CFAP53: variants seen among roughly 807,000 people sequenced by gnomAD.
The protein encoded by CFAP53 is cilia- and flagella-associated protein 53.
In CFAP53, 62 loss-of-function variants were observed where a neutral mutation model predicts 59.7. The ratio of observed to expected loss-of-function variants is 1.04; its 90% CI spans 0.85 to 1.28. The LOEUF (loss-of-function observed/expected upper bound fraction) is 1.28. CFAP53 is among the 50% of genes most tolerant of loss of function. The pLI is 0.00. For missense variants in CFAP53, 629 were observed against 615.6 expected, an observed-to-expected ratio of 1.02 and a Z score of -0.23; for synonymous variants, 218 against 205.7, an observed-to-expected ratio of 1.06 and a Z score of -0.51.
intron 6 of CFAP53, among the ~76,000 whole-genome samples, chr18:50,241,616 G>C (rs1392134034): frequency 1.3e-5 from 2 of 152,076 alleles, no homozygotes; most frequent in African/African-American, 4.8e-5. Flanking sequence ...CTGGGCCTCT[G>C]GGATGTCATC....
At chr18:50,262,817 G>A (rs2033907934) in intron 1 of CFAP53, among the ~76,000 whole-genome samples, 1 of 152,130 alleles carries the variant, frequency 6.6e-6, no homozygotes, top group Admixed American at 6.5e-5. Flanking sequence ...GACTAAGAAG[G>A]AAGAAATGAA....
intron 3 of CFAP53, among the ~76,000 whole-genome samples, chr18:50,258,169 A>G (rs987626175): frequency 1.3e-5 from 2 of 152,228 alleles, no homozygotes; most frequent in African/African-American, 4.8e-5. Context: ...AAAAATAACA[A>G]ATCTGGAGGA....
intron 6 of CFAP53, among the ~76,000 whole-genome samples, chr18:50,239,044 T>C (rs961874991): frequency 4.0e-5 from 6 of 148,466 alleles, no homozygotes; most frequent in Non-Finnish European, 8.9e-5. Flanking sequence ...TTATTATAAA[T>C]AATTTATTAT....
chr18:50,266,206 C>G, intron 1 of CFAP53, 130 bp downstream of exon 1: 2 of 784,870 alleles, frequency 2.5e-6, no homozygotes, highest in Non-Finnish European at 4.4e-6. Context: ...CAAAATTCAA[C>G]CCACTGCATC....
intron 5 of CFAP53, among the ~76,000 whole-genome samples, chr18:50,245,378 G>A (rs1354448026): frequency 2.9e-5 from 3 of 104,924 alleles, no homozygotes; most frequent in East Asian, 5.5e-4. Flanking sequence ...GACAGAGCGA[G>A]ACTCCGTCTC....
At chr18:50,236,758 G>A (rs2033637196) in intron 7 of CFAP53, among the ~76,000 whole-genome samples, 1 of 152,170 alleles carries the variant, frequency 6.6e-6, no homozygotes, top group African/African-American at 2.4e-5. Flanking sequence ...CAGTCATGTG[G>A]ATCTGACTTC....
rs141687878 is a variant in CFAP53 at position 50,259,742 on chromosome 18, A to AT, written c.473+1321dup. 8.2e-3 allele frequency among the ~76,000 whole-genome samples: 1,248 copies of AT among 151,910 alleles called. 15 individuals are homozygous for AT. Among genetic ancestry groups the AT allele is most frequent in the African/African-American group, 0.029 (1,197 of 41,448 alleles). On this transcript the variant is annotated intron_variant, in intron 3 of 7. Transcript: ENST00000398545. ...GCCACTGCGCCCGGCCAATTTTTTT[A>AT]TTTTTTGTGGAAATAAGGTCCCACT...
chr18:50,237,492 C>A (rs1369954749), intron 7 of CFAP53, among the ~76,000 whole-genome samples: 1 of 149,640 alleles, frequency 6.7e-6, no homozygotes, highest in Non-Finnish European at 1.5e-5. Context: ...TGTTTGTGAC[C>A]CCAAAGTGAG....
At chr18:50,253,085 C>T (rs1206392836) in intron 3 of CFAP53, among the ~76,000 whole-genome samples, 1 of 151,378 alleles carries the variant, frequency 6.6e-6, no homozygotes, top group Non-Finnish European at 1.5e-5. Flanking sequence ...GGCACGATCT[C>T]GGCTCACTGC....
intron 7 of CFAP53, among the ~76,000 whole-genome samples, chr18:50,229,186 G>C (rs2033555963): frequency 6.6e-6 from 1 of 152,148 alleles, no homozygotes; most frequent in Non-Finnish European, 1.5e-5. Flanking sequence ...CCATATTGCT[G>C]TAAAAGAGAT....
chr18:50,250,628 G>T, intron 5 of CFAP53, 130 bp downstream of exon 5: 1 of 698,848 alleles, frequency 1.4e-6, no homozygotes, highest in Non-Finnish European at 2.5e-6. Context: ...CCCAGATGGT[G>T]CTGATGCTGT....
At position 50,262,047 on chromosome 18, in the gene CFAP53, G is replaced by C. The variant is rs751445197; in HGVS notation, c.242C>G (p.Ala81Gly). ...CCCTTGCACAGCATCCTTGATTCTTGCTCGCACAAGGCTGTCCAAAATCTT... is the reference window on the plus strand; with the variant it reads ...CCCTTGCACAGCATCCTTGATTCTTCCTCGCACAAGGCTGTCCAAAATCTT... ...DCKILDSLVR[A>G]RIKDAVQGFI... Residue 81 changes from alanine (A) to glycine (G), a missense_variant, in exon 2 of 8, where the codon GCA (alanine) becomes GGA (glycine). By Grantham distance (60) the Ala-to-Gly change is moderately conservative. Transcript: ENST00000398545. The C allele has an allele frequency of 4.1e-5, 66 of 1,613,954 alleles. No individual in the cohort carries two copies. The highest frequency in any genetic ancestry group is 4.4e-5 in the Non-Finnish European group (52 of 1,179,990).
Position 50,238,657 on chromosome 18 carries a change from T to G in CFAP53, c.1262A>C (p.His421Pro). 6.2e-7 allele frequency: 1 copy of G among 1,612,586 alleles called. No homozygotes were observed. The highest frequency in any genetic ancestry group is 1.1e-5 in the South Asian group (1 of 90,762). The change falls in exon 7 of 8, where the codon CAC (histidine) becomes CCC (proline). Residue 421 changes from histidine to proline, a missense_variant. By Grantham distance (77) the His-to-Pro change is moderately conservative. Transcript: ENST00000398545. Reference protein sequence around the residue: ...EQEERAMEQKHINESLKELNC... With the variant: ...EQEERAMEQKPINESLKELNC... The stretch of plus-strand genomic sequence containing the variant: ...AAGTTCTTTAAGACTTTCATTTATG[T>G]GTTTCTGTTCCATAGCACGTTCTTC...
In CFAP53 at chr18:50,261,141, C is replaced by T. The variant is rs368083644; in HGVS notation, c.396G>A (p.Glu132=). ...TIEEKKDRMR[E]KTKLLKEKNE... is the part of the protein sequence containing the mutation. ...TCTTCTCTTTTAGTAATTTAGTTTT[C>T]TCTCTCATCCTATCTTTTTTCTCCT... Residue 132 remains glutamate, a synonymous_variant, in exon 3 of 8, where the codon GAG becomes GAA. Coordinates refer to ENST00000398545, the MANE Select transcript of CFAP53 (RefSeq NM_145020.5). The T allele has an allele frequency of 2.5e-5, 40 of 1,595,774 alleles. No homozygotes were observed. Among genetic ancestry groups the T allele is most frequent in the Non-Finnish European group, 3.2e-5 (38 of 1,175,144 alleles).
intron 3 of CFAP53, among the ~76,000 whole-genome samples, chr18:50,257,607 A>C (rs1179408019): frequency 6.6e-6 from 1 of 152,252 alleles, no homozygotes; most frequent in Non-Finnish European, 1.5e-5. Context: ...AAAGAAATTG[A>C]AGAGGACATC....
chr18:50,232,438 A>G (rs1416927204), intron 7 of CFAP53, among the ~76,000 whole-genome samples: 2 of 152,210 alleles, frequency 1.3e-5, no homozygotes, highest in East Asian at 3.9e-4. Flanking sequence ...GCTGCTTTAC[A>G]AGCCCCAGCC....
intron 5 of CFAP53, among the ~76,000 whole-genome samples, chr18:50,249,822 T>A (rs918826709): frequency 6.6e-6 from 1 of 152,206 alleles, no homozygotes; most frequent in African/African-American, 2.4e-5. Flanking sequence ...ACTGGCATGG[T>A]ACTATAGTTT....
At chr18:50,263,202 T>C (rs1215596747) in intron 1 of CFAP53, among the ~76,000 whole-genome samples, 3 of 152,208 alleles carry the variant, frequency 2.0e-5, no homozygotes, top group Non-Finnish European at 4.4e-5. Context: ...GGAGCCACCA[T>C]AAAATCCATA....
At chr18:50,259,320 G>A (rs2033871045) in intron 3 of CFAP53, among the ~76,000 whole-genome samples, 1 of 152,062 alleles carries the variant, frequency 6.6e-6, no homozygotes, top group Non-Finnish European at 1.5e-5. Flanking sequence ...TGGAACTGGA[G>A]GTCATTATGT....
Sources: gnomAD v4.1 joint callset for allele counts (sites outside exome capture counted in the v4.1 genomes callset) on GRCh38, gnomAD v4.1.1 for gene constraint, MANE v1.5 for transcripts, NCBI Gene and HGNC (gene_info 2026-07-23, HGNC 2026-07-21) for gene names.